The following RUSC2 variants were observed in gnomAD, a reference collection of about 807,000 sequenced individuals.
RUSC2 encodes RUN and SH3 domain containing 2.
RUSC2 carries 34 observed loss-of-function variants against 122.2 expected under a neutral mutation model. The observed-to-expected ratio is 0.28, with a 90% confidence interval of 0.21 to 0.37. RUSC2 has a LOEUF of 0.37. Ranked by LOEUF, RUSC2 falls within the 10% of genes least tolerant of loss-of-function variation. RUSC2 has a pLI of 1.00. For synonymous variants in RUSC2, 784 were observed against 790.0 expected, an observed-to-expected ratio of 0.99 and a Z score of 0.13; for missense variants, 1,747 against 1,952.4, an observed-to-expected ratio of 0.89 and a Z score of 1.98.
chr9:35,516,382 T>G (rs962554545), intron 1 of RUSC2, among the ~76,000 whole-genome samples: 1 of 151,712 alleles, frequency 6.6e-6, no homozygotes, highest in Non-Finnish European at 1.5e-5. Flanking sequence ...ATACCACATA[T>G]AGAATGGGGA....
intron 1 of RUSC2, among the ~76,000 whole-genome samples, chr9:35,545,715 C>T (rs1480780906): frequency 6.6e-6 from 1 of 152,052 alleles, no homozygotes; most frequent in Non-Finnish European, 1.5e-5. Context: ...GTCCCCCCAC[C>T]CCCATTGAGG....
chr9:35,512,929 A>T (rs1821034546), intron 1 of RUSC2, among the ~76,000 whole-genome samples: 1 of 152,188 alleles, frequency 6.6e-6, no homozygotes, highest in African/African-American at 2.4e-5. Flanking sequence ...GGTTAAAAAA[A>T]ATGCATATTG....
intron 1 of RUSC2, among the ~76,000 whole-genome samples, chr9:35,509,448 C>T (rs1019203789): frequency 6.6e-5 from 10 of 152,150 alleles, no homozygotes; most frequent in South Asian, 2.1e-4. Context: ...TGTACCTACC[C>T]GTGTTCATTG....
In RUSC2 at chr9:35,556,003, A is replaced by ACCCAC. The variant is rs1439776134; in HGVS notation, c.2709_2713dup (p.Leu905ProfsTer3). On this transcript the variant is annotated frameshift_variant, in exon 4 of 12. Coordinates refer to ENST00000361226, the MANE Select transcript of RUSC2 (RefSeq NM_014806.5). LOFTEE classifies it high-confidence loss of function. ...AAGTGGCGGGAATACAGGAGGAAGA[A>ACCCAC]CCCACTAGGGCCACCTGGTTTGTCA... 6.2e-7 allele frequency: 1 copy of ACCCAC among 1,614,224 alleles called. No individual in the cohort carries two copies. Among genetic ancestry groups the ACCCAC allele is most frequent in the Admixed American group, 1.7e-5 (1 of 60,034 alleles).
Position 35,558,043 on chromosome 9 carries a change from C to G in RUSC2, c.3060+53C>G, listed in dbSNP as rs1822059143. The G allele has an allele frequency of 1.3e-6, 2 of 1,587,494 alleles. No homozygotes were observed. The highest frequency in any genetic ancestry group is 3.3e-5 in the Admixed American group (2 of 59,960). On this transcript the variant is annotated intron_variant, in intron 6 of 11. Transcript: ENST00000361226. This position sits in a 1 kb window ranked among gnomAD's most constrained non-coding sequence, Gnocchi z 4.3. ...CTCTGCCTGCAAGCCCTCACCTGTCCCGCGCTACCACCTTCCCTTGCTGTC... is the reference window on the plus strand; with the variant it reads ...CTCTGCCTGCAAGCCCTCACCTGTCGCGCGCTACCACCTTCCCTTGCTGTC...
rs1200349342 is a variant in RUSC2, at chr9:35,556,331, C to G, written c.2866C>G (p.Leu956Val). The G allele has an allele frequency of 1.7e-5, 27 of 1,614,116 alleles. No homozygotes were observed. The highest frequency in any genetic ancestry group is 2.3e-5 in the Non-Finnish European group (27 of 1,180,040). The stretch of plus-strand genomic sequence containing the variant: ...AGGCCAAGCAGTGAAGCCGTTACCA[C>G]TGACCTGCCCTGACTTCCAGGACCC... ...LNGQAVKPLP[L>V]TCPDFQDPFS... The change falls in exon 5 of 12, where the codon CTG becomes GTG. Residue 956 changes from leucine to valine, a missense_variant. Transcript: ENST00000361226.
At chr9:35,510,047 T>TAAA (rs1820985440) in intron 1 of RUSC2, among the ~76,000 whole-genome samples, 1 of 152,182 alleles carries the variant, frequency 6.6e-6, no homozygotes. Flanking sequence ...TTCTCCAGTG[T>TAAA]AATGGACAGT....
intron 5 of RUSC2, 96 bp downstream of exon 5, chr9:35,556,544 G>GCTGGGCCCTCTAAGTGCTGC (rs1822025306): frequency 1.2e-5 from 16 of 1,365,122 alleles, no homozygotes; most frequent in Non-Finnish European, 1.6e-5. Context: ...CTAAGTGCTG[G>GCTGGGCCCTCTAAGTGCTGC]CTGGGCCCAG....
intron 1 of RUSC2, among the ~76,000 whole-genome samples, chr9:35,510,896 T>C (rs558488081): frequency 2.0e-5 from 3 of 152,226 alleles, no homozygotes; most frequent in Non-Finnish European, 4.4e-5. Flanking sequence ...AAATGGACTA[T>C]GCTATTTGCT....
At position 35,558,428 on chromosome 9, in the gene RUSC2, G is replaced by A. The variant is rs756466989; in HGVS notation, c.3236-34G>A. ...GGCTGAATTTAGGGCTCCAGAAATT[G>A]GTCATGTGACCTGCAACCCTGGCTT... On this transcript the variant is annotated intron_variant, in intron 7 of 11. Transcript: ENST00000361226. The surrounding 1 kb of genome is among the most constrained non-coding windows in gnomAD (Gnocchi z 4.3). 3 of 1,613,878 alleles carry A rather than the reference G, an allele frequency of 1.9e-6. No individual in the cohort carries two copies. Among genetic ancestry groups the A allele is most frequent in the Non-Finnish European group, 2.5e-6 (3 of 1,179,798 alleles).
At position 35,561,113 on chromosome 9, in the gene RUSC2, C is replaced by T. The variant is rs1009818412; in HGVS notation, c.4349+16C>T. 19 of 1,613,596 alleles carry T rather than the reference C, an allele frequency of 1.2e-5. No homozygotes were observed. The Middle Eastern group carries it at 4.9e-4, about 42-fold the overall frequency. On this transcript the variant is annotated intron_variant, in intron 11 of 11. Coordinates refer to ENST00000361226, the MANE Select transcript of RUSC2 (RefSeq NM_014806.5). Reference sequence around the variant, plus strand: ...GTCCTCCGTGGTAAGCCTGGGGAAACGGAAGGGCTGAGGGGGGCGGGGGGC... The same window carrying T: ...GTCCTCCGTGGTAAGCCTGGGGAAATGGAAGGGCTGAGGGGGGCGGGGGGC...
chr9:35,508,278 A>G (rs981795271), intron 1 of RUSC2, among the ~76,000 whole-genome samples: 2 of 152,128 alleles, frequency 1.3e-5, no homozygotes, highest in Non-Finnish European at 2.9e-5. Flanking sequence ...ATACCCTCCT[A>G]CTTGATCACA....
intron 1 of RUSC2, among the ~76,000 whole-genome samples, chr9:35,528,379 A>C (rs2132526672): frequency 6.6e-6 from 1 of 151,096 alleles, no homozygotes; most frequent in South Asian, 2.1e-4. Flanking sequence ...GTGAGACCCT[A>C]TTCCTTTAAA....
rs561273929 is a variant in RUSC2, at chr9:35,506,928, C to A, written c.-93+16756C>A. Among the ~76,000 whole-genome samples the A allele has an allele frequency of 2.6e-5, 4 of 152,234 alleles. No individual in the cohort carries two copies. The East Asian group carries it at 5.8e-4, about 22-fold the overall frequency. ...CTTAGGGTTTCGAGACTAGCCTGAG[C>A]AACATAGTGAAACCTCGTCTCTACA... is the stretch of plus-strand genomic sequence containing the variant. On this transcript the variant is annotated intron_variant, in intron 1 of 11. Transcript: ENST00000361226.
At chr9:35,499,860 A>G (rs1219010752) in intron 1 of RUSC2, among the ~76,000 whole-genome samples, 1 of 152,222 alleles carries the variant, frequency 6.6e-6, no homozygotes, top group African/African-American at 2.4e-5. Context: ...CAAGGTAAAA[A>G]GCAAAAACTG....
At chr9:35,532,701 A>AT (rs1821444478) in intron 1 of RUSC2, among the ~76,000 whole-genome samples, 1 of 151,896 alleles carries the variant, frequency 6.6e-6, no homozygotes, top group Non-Finnish European at 1.5e-5. Flanking sequence ...AGCCAAGATC[A>AT]GCCACTGCAT....
intron 1 of RUSC2, among the ~76,000 whole-genome samples, chr9:35,508,249 C>T (rs1025517610): frequency 1.3e-5 from 2 of 152,200 alleles, no homozygotes; most frequent in Non-Finnish European, 2.9e-5. Flanking sequence ...AGTAATCCCT[C>T]CCTGGCGCTC....
intron 1 of RUSC2, among the ~76,000 whole-genome samples, chr9:35,504,919 A>T (rs1337816514): frequency 6.6e-6 from 1 of 152,182 alleles, no homozygotes; most frequent in Non-Finnish European, 1.5e-5. Context: ...GCGAATGGGG[A>T]TTTGCTCCTT....
In RUSC2 at chr9:35,555,204, A is replaced by G. The variant is rs749227407; in HGVS notation, c.2159A>G (p.Tyr720Cys). The G allele has an allele frequency of 1.9e-5, 30 of 1,613,218 alleles. No homozygotes were observed. In the Admixed American group the frequency reaches 4.8e-4, roughly 26 times the overall value. ...GCCCTCCACAGCCTTTCCCAGCTCTACAGCCTCTCAGGCTGCAGCCGTACA... is the reference window on the plus strand; with the variant it reads ...GCCCTCCACAGCCTTTCCCAGCTCTGCAGCCTCTCAGGCTGCAGCCGTACA... ...ARALHSLSQL[Y>C]SLSGCSRTQQ... is the part of the protein sequence containing the mutation. The change falls in exon 3 of 12, where the codon TAC (tyrosine) becomes TGC (cysteine). Residue 720 changes from tyrosine to cysteine, a missense_variant. Physicochemically the swap from Tyr to Cys is radical, Grantham distance 194. Transcript: ENST00000361226. The surrounding 1 kb of genome is among the most constrained non-coding windows in gnomAD (Gnocchi z 4.6).
Sources: gnomAD v4.1 joint callset for allele counts (sites outside exome capture counted in the v4.1 genomes callset) on GRCh38, gnomAD v4.1.1 for gene constraint, Gnocchi (gnomAD v3.1) non-coding constraint, MANE v1.5 for transcripts, NCBI Gene and HGNC (gene_info 2026-07-23, HGNC 2026-07-21) for gene names.